The following HECTD4 variants were observed in gnomAD, a reference collection of about 807,000 sequenced individuals.
HECTD4 encodes the protein HECT domain E3 ubiquitin protein ligase 4.
Under a neutral mutation model 471.5 loss-of-function variants are expected in HECTD4, and 114 were observed. The ratio of observed to expected loss-of-function variants is 0.24; its 90% CI spans 0.21 to 0.28. The LOEUF (loss-of-function observed/expected upper bound fraction) is 0.28. Ranked by LOEUF, HECTD4 falls within the 10% of genes least tolerant of loss-of-function variation. The pLI, the probability that HECTD4 is intolerant of heterozygous loss-of-function variation, is 1.00. For synonymous variants in HECTD4, 2,012 were observed against 2,256.0 expected (o/e 0.89, Z 3.07); for missense variants, 3,866 against 5,651.5 (o/e 0.68, Z 10.13).
chr12:112,187,649 C>T (rs1221655162), intron 60 of HECTD4, among the ~76,000 whole-genome samples: 4 of 106,600 alleles, frequency 3.8e-5, no homozygotes, highest in East Asian at 2.9e-4. Context: ...TTTTTTGAGA[C>T]GGAGTCCCAC....
At position 112,264,319 on chromosome 12, in the gene HECTD4, T is replaced by TA. The variant is rs1458664066; in HGVS notation, c.2620-108dup. The TA allele has an allele frequency of 1.2e-4, 139 of 1,127,218 alleles. 1 individual carries two copies. Among genetic ancestry groups the TA allele is most frequent in the East Asian group, 6.9e-4 (24 of 34,872 alleles). 69.8% of individuals were successfully genotyped at this position (1,127,218 alleles called of 1,614,324 possible). ...TTGACAAAGAAAACAAAAAGAGAAATAAAAAAAACAGACCAAGTTAGTTTT... is the reference window on the plus strand; with the variant it reads ...TTGACAAAGAAAACAAAAAGAGAAATAAAAAAAAACAGACCAAGTTAGTTTT... On this transcript the variant is annotated intron_variant, in intron 16 of 75. Transcript: ENST00000682272.
chr12:112,278,309 T>C (rs1194985302), intron 9 of HECTD4, among the ~76,000 whole-genome samples: 1 of 152,162 alleles, frequency 6.6e-6, no homozygotes, highest in East Asian at 1.9e-4. Flanking sequence ...ACCACTGAAT[T>C]GTATATTTTA....
chr12:112,353,395 G>C (rs2036280224), intron 1 of HECTD4, among the ~76,000 whole-genome samples: 1 of 152,190 alleles, frequency 6.6e-6, no homozygotes, highest in Non-Finnish European at 1.5e-5. Flanking sequence ...CCCATGTACA[G>C]ACTATTTTGT....
At chr12:112,224,815 A>C (rs1593949753) in intron 44 of HECTD4, among the ~76,000 whole-genome samples, 1 of 152,320 alleles carries the variant, frequency 6.6e-6, no homozygotes, top group Admixed American at 6.5e-5. Context: ...AAATTTCACA[A>C]TTAAGACCTC....
chr12:112,254,700 T>C (rs2033970230), intron 21 of HECTD4, among the ~76,000 whole-genome samples: 1 of 152,218 alleles, frequency 6.6e-6, no homozygotes, highest in South Asian at 2.1e-4. Flanking sequence ...ATTCTTAGGA[T>C]GTTGCTTAAT....
At chr12:112,280,184 A>G (rs2135636757) in intron 8 of HECTD4, among the ~76,000 whole-genome samples, 1 of 152,350 alleles carries the variant, frequency 6.6e-6, no homozygotes, top group Admixed American at 6.5e-5. Context: ...ATCTATCACA[A>G]AACAATTTTA....
At chr12:112,209,594 G>C (rs2032702827) in intron 50 of HECTD4, among the ~76,000 whole-genome samples, 1 of 152,186 alleles carries the variant, frequency 6.6e-6, no homozygotes, top group Non-Finnish European at 1.5e-5. Flanking sequence ...CCAAAGTGCT[G>C]GCATTACAGG....
chr12:112,330,204 G>C (rs1158530220), intron 1 of HECTD4, among the ~76,000 whole-genome samples: 1 of 151,764 alleles, frequency 6.6e-6, no homozygotes, highest in African/African-American at 2.4e-5. Flanking sequence ...TTGAACCTGG[G>C]AGGCGGAGGT....
chr12:112,254,360 G>T (rs1283487992), intron 21 of HECTD4, among the ~76,000 whole-genome samples, 198 bp from the exon 22 acceptor site: 2 of 152,110 alleles, frequency 1.3e-5, no homozygotes, highest in Non-Finnish European at 2.9e-5. Context: ...GGTATTTACA[G>T]GGAAGCCACA....
chr12:112,249,534 G>A (rs1473037325), intron 25 of HECTD4: 3 of 153,954 alleles, frequency 1.9e-5, no homozygotes, highest in Admixed American at 6.4e-5. Flanking sequence ...GGCTAAAAAC[G>A]ATAGTGTTTT....
Position 112,176,586 on chromosome 12 carries a change from G to C in HECTD4, c.11470+10C>G, listed in dbSNP as rs374628086. The stretch of plus-strand genomic sequence containing the variant: ...TCCCAGCCCACTCCAGGCCCCGTCT[G>C]CTCATTCACCTTCTTGTTTTTTGGT... On this transcript the variant is annotated intron_variant, in intron 65 of 75. Coordinates refer to ENST00000682272, the MANE Select transcript of HECTD4 (RefSeq NM_001388303.1). 19 of 1,591,712 alleles carry C rather than the reference G, an allele frequency of 1.2e-5. No individual in the cohort carries two copies. The highest frequency in any genetic ancestry group is 1.6e-5 in the Non-Finnish European group (18 of 1,159,632).
At chr12:112,363,270 T>A (rs1016276249) in intron 1 of HECTD4, among the ~76,000 whole-genome samples, 45 of 149,824 alleles carry the variant, frequency 3.0e-4, no homozygotes, top group African/African-American at 9.5e-4. Flanking sequence ...ATACACACAC[T>A]CTCTCTCTCT....
chr12:112,186,658 G>A (rs955676968), intron 60 of HECTD4, among the ~76,000 whole-genome samples: 3 of 142,124 alleles, frequency 2.1e-5, no homozygotes, highest in East Asian at 4.2e-4. Flanking sequence ...AATTTTTTAA[G>A]CTGCTTTTTT....
chr12:112,244,117 G>A, intron 29 of HECTD4, 108 bp from the exon 30 acceptor site: 2 of 1,128,870 alleles, frequency 1.8e-6, no homozygotes, highest in Non-Finnish European at 2.5e-6. Context: ...TTCTATCACA[G>A]TTCAGCCACC....
At chr12:112,274,585 T>C (rs1019807404) in intron 10 of HECTD4, among the ~76,000 whole-genome samples, 12 of 152,136 alleles carry the variant, frequency 7.9e-5, no homozygotes, top group Non-Finnish European at 1.8e-4. Context: ...TGTGCTCCTG[T>C]AGTCCCAGTT....
At chr12:112,335,143 T>TACACACAC (rs144839031) in intron 1 of HECTD4, among the ~76,000 whole-genome samples, 4,629 of 146,784 alleles carry the variant, frequency 0.032, 108 homozygotes, top group African/African-American at 0.042. Flanking sequence ...GAAACTGTGA[T>TACACACAC]ACACACACAC....
chr12:112,356,008 G>A (rs553286329), intron 1 of HECTD4, among the ~76,000 whole-genome samples: 2 of 152,096 alleles, frequency 1.3e-5, no homozygotes, highest in East Asian at 3.9e-4. Flanking sequence ...AATTTCTAGC[G>A]GGGTGATAAC....
chr12:112,190,001 G>T (rs961855049), intron 60 of HECTD4, among the ~76,000 whole-genome samples: 33 of 152,078 alleles, frequency 2.2e-4, no homozygotes, highest in Non-Finnish European at 2.9e-5. Context: ...TGATCAACCC[G>T]CCTTGGCCTC....
At chr12:112,317,586 T>C (rs926326137) in intron 2 of HECTD4, among the ~76,000 whole-genome samples, 4 of 152,206 alleles carry the variant, frequency 2.6e-5, no homozygotes, top group Non-Finnish European at 4.4e-5. Context: ...TCTAGGCAAT[T>C]AGTCTACTGG....
Sources: gnomAD v4.1 joint callset for allele counts (sites outside exome capture counted in the v4.1 genomes callset) on GRCh38, gnomAD v4.1.1 for gene constraint, MANE v1.5 for transcripts, NCBI Gene and HGNC (gene_info 2026-07-23, HGNC 2026-07-21) for gene names.